Variants in COLEC12 observed in about 807,000 individuals in gnomAD.
The protein encoded by COLEC12 is collectin-12.
Under a neutral mutation model 71.1 loss-of-function variants are expected in COLEC12, and 33 were observed. The ratio of observed to expected loss-of-function variants is 0.46; its 90% CI spans 0.35 to 0.62. The LOEUF is 0.62. Among genes scored for constraint, COLEC12 ranks in the 20% least tolerant of loss-of-function variants. The pLI is 0.00. For missense variants in COLEC12, 765 were observed against 916.1 expected (o/e 0.84, Z 2.13); for synonymous variants, 350 against 353.0 (o/e 0.99, Z 0.10).
intron 1 of COLEC12, among the ~76,000 whole-genome samples, chr18:485,155 T>C (rs974048553): frequency 2.0e-5 from 3 of 152,234 alleles, no homozygotes; most frequent in African/African-American, 7.2e-5. Context: ...TCACACCATA[T>C]AGACCCAAGC....
At position 480,024 on chromosome 18, in the gene COLEC12, C is replaced by T. The variant is rs1019973048; in HGVS notation, c.58+683G>A. 3.9e-5 allele frequency among the ~76,000 whole-genome samples: 6 copies of T among 152,200 alleles called. No individual in the cohort carries two copies. Among genetic ancestry groups the T allele is most frequent in the African/African-American group, 1.4e-4 (6 of 41,454 alleles). ...CTTGACCAGAGAACATAACAAAAAT[C>T]TCTGCTTCCATCCTCACATCACCTT... On this transcript the variant is annotated intron_variant, in intron 2 of 9. Coordinates refer to ENST00000400256, the MANE Select transcript of COLEC12 (RefSeq NM_130386.3). The surrounding 1 kb of genome is among the most constrained non-coding windows in gnomAD (Gnocchi z 4.1).
chr18:441,179 C>A (rs926018309), intron 2 of COLEC12, among the ~76,000 whole-genome samples: 3 of 148,982 alleles, frequency 2.0e-5, no homozygotes, highest in Non-Finnish European at 4.5e-5. Context: ...ACCCGGGAGG[C>A]GGAGCTTGCA....
intron 2 of COLEC12, among the ~76,000 whole-genome samples, chr18:472,771 C>T (rs986902671): frequency 6.7e-6 from 1 of 148,698 alleles, no homozygotes; most frequent in Non-Finnish European, 1.5e-5. Context: ...GAACAAATTA[C>T]TAGGCTGCTG....
chr18:450,494 C>T (rs1916739426), intron 2 of COLEC12, among the ~76,000 whole-genome samples: 1 of 152,148 alleles, frequency 6.6e-6, no homozygotes, highest in South Asian at 2.1e-4. Flanking sequence ...GCCTGCTTCC[C>T]CTTCACCTTC....
At chr18:323,086 A>C (rs781563824) in intron 8 of COLEC12, among the ~76,000 whole-genome samples, 2 of 152,174 alleles carry the variant, frequency 1.3e-5, no homozygotes, top group African/African-American at 4.8e-5. Context: ...TTAGCTGGGC[A>C]TGGTGGCAGG....
intron 2 of COLEC12, among the ~76,000 whole-genome samples, chr18:453,660 T>A (rs1227142897): frequency 6.6e-6 from 1 of 152,252 alleles, no homozygotes; most frequent in Non-Finnish European, 1.5e-5. Context: ...CCCTGGGCTC[T>A]ATGCTAAAGA....
At position 361,182 on chromosome 18, in the gene COLEC12, T is replaced by C. The variant is rs115875893; in HGVS notation, c.59-3660A>G. ...GCCTACAGTGTGCCAGGTTCTGAGC[T>C]AGATCCCTTACACACAGCATCTCTA... On this transcript the variant is annotated intron_variant, in intron 2 of 9. Coordinates refer to ENST00000400256, the MANE Select transcript of COLEC12 (RefSeq NM_130386.3). Among the ~76,000 whole-genome samples, 491 of 152,310 alleles carry C rather than the reference T, an allele frequency of 3.2e-3. 4 individuals are homozygous for C. Among genetic ancestry groups the C allele is most frequent in the African/African-American group, 0.011 (469 of 41,570 alleles).
chr18:326,485 T>C (rs1024963095), intron 8 of COLEC12, among the ~76,000 whole-genome samples: 3 of 152,156 alleles, frequency 2.0e-5, no homozygotes, highest in Non-Finnish European at 2.9e-5. Flanking sequence ...GTAGCTGGGA[T>C]TACAGGCATC....
intron 2 of COLEC12, among the ~76,000 whole-genome samples, chr18:381,420 TG>T (rs1266965151): frequency 6.6e-6 from 1 of 152,186 alleles, no homozygotes; most frequent in African/African-American, 2.4e-5. Context: ...ACTGCATACA[TG>T]TATCAAAATA....
intron 3 of COLEC12, among the ~76,000 whole-genome samples, chr18:355,422 C>T (rs771871695): frequency 2.0e-4 from 30 of 151,856 alleles, no homozygotes; most frequent in Non-Finnish European, 3.7e-4. Context: ...CCAGCACACG[C>T]ACAACACGCC....
chr18:453,740 A>G (rs1916808619), intron 2 of COLEC12, among the ~76,000 whole-genome samples: 1 of 152,240 alleles, frequency 6.6e-6, no homozygotes, highest in African/African-American at 2.4e-5. Flanking sequence ...GCTCCACTGA[A>G]TGTATAATAA....
At chr18:395,559 G>A (rs940650930) in intron 2 of COLEC12, among the ~76,000 whole-genome samples, 3 of 152,312 alleles carry the variant, frequency 2.0e-5, no homozygotes, top group East Asian at 1.9e-4. Context: ...TTTAATCTGA[G>A]TTCACAGCTC....
rs1400580381 is a variant in COLEC12, at chr18:319,333, A to ATATATATAT, written c.*711_*712insATATATATA. On this transcript the variant is annotated 3_prime_UTR_variant, in exon 10 of 10. Coordinates refer to ENST00000400256, the MANE Select transcript of COLEC12 (RefSeq NM_130386.3). ...GGAAATGAAACATTAAAAAAAAAAA[A>ATATATATAT]AAAAAAAAATATATATATATATATA... 2.0e-4 allele frequency: 13 copies of ATATATATAT among 65,918 alleles called. 1 individual carries two copies. Among genetic ancestry groups the ATATATATAT allele is most frequent in the Middle Eastern group, 0.018 (2 of 112 alleles). 4.1% of individuals were successfully genotyped at this position (65,918 alleles called of 1,614,324 possible).
intron 5 of COLEC12, among the ~76,000 whole-genome samples, chr18:342,952 A>G (rs1035591088): frequency 6.6e-6 from 1 of 152,112 alleles, no homozygotes; most frequent in East Asian, 1.9e-4. Flanking sequence ...ACGTGTCTAC[A>G]TGGGCCTCTT....
At chr18:359,417 T>A (rs772238956) in intron 2 of COLEC12, among the ~76,000 whole-genome samples, 1 of 152,248 alleles carries the variant, frequency 6.6e-6, no homozygotes, top group Non-Finnish European at 1.5e-5. Flanking sequence ...AAATTTTGCA[T>A]ATTACATGTA....
At position 435,398 on chromosome 18, in the gene COLEC12, G is replaced by A. The variant is rs377368832; in HGVS notation, c.58+45309C>T. Reference sequence around the variant, plus strand: ...GCAGGATGGAGTGAGTCCAAGCAGGGGAAATGCCAGATGCTTATAAAACCA... The same window carrying A: ...GCAGGATGGAGTGAGTCCAAGCAGGAGAAATGCCAGATGCTTATAAAACCA... On this transcript the variant is annotated intron_variant, in intron 2 of 9. Transcript: ENST00000400256. Among the ~76,000 whole-genome samples the A allele has an allele frequency of 2.6e-3, 394 of 152,248 alleles. 2 individuals are homozygous for A. The highest frequency in any genetic ancestry group is 8.7e-3 in the African/African-American group (363 of 41,548).
intron 2 of COLEC12, among the ~76,000 whole-genome samples, chr18:442,002 TACACACA>T (rs1916548619): frequency 8.3e-6 from 1 of 120,744 alleles, no homozygotes; most frequent in Non-Finnish European, 1.6e-5. Context: ...TCTCTCTCTC[TACACACA>T]CACACACACA....
At chr18:431,912 C>G (rs1028205652) in intron 2 of COLEC12, among the ~76,000 whole-genome samples, 1 of 152,206 alleles carries the variant, frequency 6.6e-6, no homozygotes, top group African/African-American at 2.4e-5. Flanking sequence ...TCTCCCCTAA[C>G]TCTTACAAAA....
intron 2 of COLEC12, among the ~76,000 whole-genome samples, chr18:467,633 C>T (rs985843004): frequency 2.6e-5 from 4 of 152,214 alleles, no homozygotes; most frequent in Non-Finnish European, 5.9e-5. Flanking sequence ...ATTAAATTTA[C>T]AGACACCTGC....
Sources: gnomAD v4.1 joint callset for allele counts (sites outside exome capture counted in the v4.1 genomes callset) on GRCh38, gnomAD v4.1.1 for gene constraint, Gnocchi (gnomAD v3.1) non-coding constraint, MANE v1.5 for transcripts, NCBI Gene and HGNC (gene_info 2026-07-23, HGNC 2026-07-21) for gene names.